The following HSD17B12 variants were observed in gnomAD, a reference collection of about 807,000 sequenced individuals.
The protein encoded by HSD17B12 is hydroxysteroid 17-beta dehydrogenase 12, also known as very-long-chain 3-oxoacyl-CoA reductase.
Under a neutral mutation model 39.3 loss-of-function variants are expected in HSD17B12, and 32 were observed. That is an observed-to-expected ratio of 0.81 (90% CI 0.61 to 1.09). The LOEUF (loss-of-function observed/expected upper bound fraction) is 1.09, where lower values mean the gene tolerates loss of function less well. Ranked by LOEUF, HSD17B12 falls within the 50% of genes least tolerant of loss-of-function variation. The probability of loss-of-function intolerance (pLI) is 0.00; values close to 1 mark genes in which losing one functional copy is unlikely to be tolerated. For missense variants in HSD17B12, 342 were observed against 382.9 expected, an observed-to-expected ratio of 0.89 and a Z score of 0.89; for synonymous variants, 150 against 146.7, an observed-to-expected ratio of 1.02 and a Z score of -0.16.
intron 7 of HSD17B12, among the ~76,000 whole-genome samples, chr11:43,834,364 T>A (rs1308819681): frequency 4.2e-5 from 4 of 96,118 alleles, no homozygotes; most frequent in Non-Finnish European, 1.0e-4. Flanking sequence ...AGAATTGGGA[T>A]GGAATTTTTT....
At chr11:43,657,330 A>G in the HSD17B12 span, among the ~76,000 whole-genome samples, 2 of 152,178 alleles carry the variant, frequency 1.3e-5, 1 homozygote, top group South Asian at 4.1e-4. Context: ...AATACAGCAC[A>G]CTGCTGGGTC....
At chr11:43,661,328 G>A in the HSD17B12 span, among the ~76,000 whole-genome samples, 2 of 152,194 alleles carry the variant, frequency 1.3e-5, no homozygotes, top group East Asian at 1.9e-4. Flanking sequence ...TTGGCCATAA[G>A]GAGGCATGAA....
chr11:43,812,964 C>G (rs1317890011), intron 4 of HSD17B12, among the ~76,000 whole-genome samples: 3 of 152,108 alleles, frequency 2.0e-5, no homozygotes, highest in African/African-American at 4.8e-5. Flanking sequence ...ACCTCAGCCT[C>G]CCGAGTAGCT....
chr11:43,668,920 T>G, the HSD17B12 span, among the ~76,000 whole-genome samples: 1 of 152,092 alleles, frequency 6.6e-6, no homozygotes. Flanking sequence ...CACGAACTCC[T>G]GGGCTCAAGC....
the HSD17B12 span, among the ~76,000 whole-genome samples, chr11:43,574,800 A>G: frequency 0.1 from 15,826 of 152,256 alleles, 822 homozygotes; most frequent in South Asian, 0.14. Context: ...GAGAAAGGGT[A>G]AACGTCACCT....
At chr11:43,673,121 C>A in the HSD17B12 span, 1 of 152,278 alleles carries the variant, frequency 6.6e-6, no homozygotes. Context: ...AGCTATGTCC[C>A]AAAGGATTAA....
the HSD17B12 span, among the ~76,000 whole-genome samples, chr11:43,619,980 A>T: frequency 1.3e-5 from 2 of 152,216 alleles, no homozygotes; most frequent in Non-Finnish European, 2.9e-5. Flanking sequence ...TTTGAAGTCC[A>T]CTGGTTAAAA....
intron 7 of HSD17B12, among the ~76,000 whole-genome samples, chr11:43,834,403 A>T (rs934536798): frequency 1.3e-5 from 2 of 151,652 alleles, no homozygotes; most frequent in Non-Finnish European, 2.9e-5. Flanking sequence ...CTTGGCTACA[A>T]TCAAATTCTG....
chr11:43,559,445 C>G, the HSD17B12 span, among the ~76,000 whole-genome samples: 2 of 152,208 alleles, frequency 1.3e-5, no homozygotes, highest in Non-Finnish European at 2.9e-5. Context: ...CTACCAGGTG[C>G]CCAAGCACTT....
intron 3 of HSD17B12, among the ~76,000 whole-genome samples, chr11:43,768,028 A>G (rs931089661): frequency 1.3e-5 from 2 of 152,236 alleles, no homozygotes; most frequent in Admixed American, 1.3e-4. Flanking sequence ...TCATTTTATA[A>G]ATATGAAAAC....
intron 4 of HSD17B12, 127 bp downstream of exon 4, chr11:43,798,554 A>G (rs1382177134): frequency 1.7e-6 from 1 of 591,180 alleles, no homozygotes; most frequent in Admixed American, 3.2e-5. Flanking sequence ...ATTATCAGTG[A>G]ATAATATCAC....
At chr11:43,617,312 T>C in the HSD17B12 span, among the ~76,000 whole-genome samples, 1 of 152,138 alleles carries the variant, frequency 6.6e-6, no homozygotes, top group East Asian at 1.9e-4. Flanking sequence ...TTTGAAAACA[T>C]TGTCTCCCTG....
At chr11:43,691,001 T>A (rs1949857386) in intron 1 of HSD17B12, among the ~76,000 whole-genome samples, 1 of 152,218 alleles carries the variant, frequency 6.6e-6, no homozygotes. Flanking sequence ...TCCCTCAAAT[T>A]TCTAAAGACA....
intron 7 of HSD17B12, 105 bp from the exon 8 acceptor site, chr11:43,838,212 A>G: frequency 1.2e-6 from 1 of 800,600 alleles, no homozygotes; most frequent in Non-Finnish European, 2.2e-6. Flanking sequence ...GTAGAAAAAC[A>G]GCTACATTAT....
intron 3 of HSD17B12, among the ~76,000 whole-genome samples, chr11:43,757,981 A>T (rs1426324314): frequency 6.6e-6 from 1 of 152,134 alleles, no homozygotes; most frequent in African/African-American, 2.4e-5. Flanking sequence ...TGCAAGTTGC[A>T]TAGGATACAT....
the HSD17B12 span, among the ~76,000 whole-genome samples, chr11:43,563,145 A>G: frequency 7.9e-5 from 12 of 152,146 alleles, no homozygotes; most frequent in African/African-American, 2.9e-4. Flanking sequence ...CCTAGCCCCT[A>G]CGGACTTATT....
chr11:43,815,062 C>T (rs10838179), intron 4 of HSD17B12, among the ~76,000 whole-genome samples: 54,627 of 151,988 alleles, frequency 0.36, 10,579 homozygotes, highest in East Asian at 0.69. Context: ...TCCTGGACCA[C>T]GGTACTCTCC....
the HSD17B12 span, among the ~76,000 whole-genome samples, chr11:43,577,402 G>C: frequency 2.0e-5 from 3 of 152,194 alleles, no homozygotes; most frequent in Non-Finnish European, 4.4e-5. Context: ...TGTTAGATTC[G>C]AGGATGAGCC....
the HSD17B12 span, among the ~76,000 whole-genome samples, chr11:43,636,630 C>T: frequency 6.6e-6 from 1 of 151,842 alleles, no homozygotes; most frequent in Non-Finnish European, 1.5e-5. Flanking sequence ...TCAGTGTCTG[C>T]ATCTGCAAAT....
Sources: gnomAD v4.1 joint callset for allele counts (sites outside exome capture counted in the v4.1 genomes callset) on GRCh38, gnomAD v4.1.1 for gene constraint, MANE v1.5 for transcripts, NCBI Gene and HGNC (gene_info 2026-07-23, HGNC 2026-07-21) for gene names.